The following CCDC85A variants were observed in gnomAD, a reference collection of about 807,000 sequenced individuals.
CCDC85A encodes the protein coiled-coil domain containing 85A.
Under a neutral mutation model 50.2 loss-of-function variants are expected in CCDC85A, and 38 were observed. The ratio of observed to expected loss-of-function variants is 0.76; its 90% confidence interval spans 0.58 to 0.99. The LOEUF (loss-of-function observed/expected upper bound fraction) is 0.99. Among genes scored for constraint, CCDC85A ranks in the 50% least tolerant of loss-of-function variants. CCDC85A has a pLI of 0.00. For missense variants in CCDC85A, 820 were observed against 742.0 expected (o/e 1.11, Z -1.22); for synonymous variants, 366 against 301.4 (o/e 1.21, Z -2.22).
At chr2:56,375,363 C>G (rs1047330245) in intron 4 of CCDC85A, among the ~76,000 whole-genome samples, 1 of 152,136 alleles carries the variant, frequency 6.6e-6, no homozygotes, top group South Asian at 2.1e-4. Flanking sequence ...TATTATAGGT[C>G]TTTCCCTCAA....
chr2:56,357,097 T>C (rs1299666540), intron 3 of CCDC85A, among the ~76,000 whole-genome samples: 2 of 150,884 alleles, frequency 1.3e-5, no homozygotes, highest in African/African-American at 4.9e-5. Context: ...AAAAAAAAGA[T>C]TGAGCCCTAA....
intron 1 of CCDC85A, 91 bp downstream of exon 1, chr2:56,184,991 C>T: frequency 7.2e-7 from 1 of 1,380,284 alleles, no homozygotes. Context: ...CCCTCCCTCC[C>T]TCAACAGGTG....
chr2:56,235,855 T>G (rs1192072570), intron 2 of CCDC85A, among the ~76,000 whole-genome samples: 1 of 152,164 alleles, frequency 6.6e-6, no homozygotes, highest in Non-Finnish European at 1.5e-5. Flanking sequence ...CTTTTCTGGC[T>G]AAGGAAAGCT....
chr2:56,221,163 G>T (rs1449494167), intron 2 of CCDC85A, among the ~76,000 whole-genome samples: 6 of 151,994 alleles, frequency 3.9e-5, no homozygotes, highest in Non-Finnish European at 8.8e-5. Flanking sequence ...TCTTAAGTGG[G>T]TTTGGGTTCA....
intron 2 of CCDC85A, among the ~76,000 whole-genome samples, chr2:56,285,624 T>G (rs1032842627): frequency 1.3e-5 from 2 of 149,108 alleles, no homozygotes; most frequent in East Asian, 3.9e-4. Context: ...TGTTTAAGAA[T>G]TTTTTATTAT....
At chr2:56,279,445 C>T (rs1558620408) in intron 2 of CCDC85A, among the ~76,000 whole-genome samples, 3 of 152,140 alleles carry the variant, frequency 2.0e-5, no homozygotes, top group Admixed American at 2.0e-4. Flanking sequence ...CTATTTCTCC[C>T]CTTCACCCCT....
chr2:56,321,713 T>C (rs1172907516), intron 2 of CCDC85A, among the ~76,000 whole-genome samples: 2 of 152,136 alleles, frequency 1.3e-5, no homozygotes, highest in East Asian at 1.9e-4. Flanking sequence ...AATGGCCATA[T>C]GGCCCAAGGT....
At chr2:56,310,414 G>A (rs997166425) in intron 2 of CCDC85A, among the ~76,000 whole-genome samples, 1 of 152,146 alleles carries the variant, frequency 6.6e-6, no homozygotes, top group Admixed American at 6.6e-5. Flanking sequence ...CAGAAGCAAC[G>A]AGAAATCCCA....
rs67738219 is a variant in CCDC85A, at chr2:56,357,655, CTT to C, written c.1318-14674_1318-14673del. Among the ~76,000 whole-genome samples, 907 of 114,586 alleles carry C rather than the reference CTT, an allele frequency of 7.9e-3. 12 individuals are homozygous for C. Among genetic ancestry groups the C allele is most frequent in the African/African-American group, 0.029 (852 of 29,624 alleles). The allele number at this position is 114,586 out of a possible 152,430, so 75.2% of individuals were successfully genotyped here. A position where few individuals can be genotyped will look rare whatever the true frequency, so the allele number is the denominator to read the frequency against. On this transcript the variant is annotated intron_variant, in intron 3 of 5. Coordinates refer to ENST00000407595, the MANE Select transcript of CCDC85A (RefSeq NM_001080433.2). Reference sequence around the variant, plus strand: ...TCATGGAAGGGATAGTGTCCATTTCCTTTTTTTTTTTTTTTTGCTATGTTCTT... The same window carrying C: ...TCATGGAAGGGATAGTGTCCATTTCCTTTTTTTTTTTTTTGCTATGTTCTT...
intron 2 of CCDC85A, among the ~76,000 whole-genome samples, chr2:56,297,420 CT>C (rs1471451683): frequency 6.8e-6 from 1 of 147,582 alleles, no homozygotes; most frequent in Non-Finnish European, 1.5e-5. Context: ...ATTGTGTGAC[CT>C]TTGTGTGAAA....
chr2:56,354,932 G>A (rs1675144806), intron 3 of CCDC85A, among the ~76,000 whole-genome samples: 2 of 152,210 alleles, frequency 1.3e-5, no homozygotes, highest in African/African-American at 4.8e-5. Flanking sequence ...AGTAGATTGT[G>A]TTTCCTCAGG....
Position 56,268,371 on chromosome 2 carries a change from T to TG in CCDC85A, c.1241-74505dup, listed in dbSNP as rs1172505521. ...CCAGCACTTTGGGAGGCCAGCACTTTGGGCTGACGTCAGGAGATCGAGACC... is the reference window on the plus strand; with the variant it reads ...CCAGCACTTTGGGAGGCCAGCACTTTGGGGCTGACGTCAGGAGATCGAGACC... On this transcript the variant is annotated intron_variant, in intron 2 of 5. Transcript: ENST00000407595. Among the ~76,000 whole-genome samples the TG allele has an allele frequency of 2.0e-5, 3 of 152,166 alleles. No individual in the cohort carries two copies. The East Asian group carries it at 5.8e-4, about 29-fold the overall frequency.
chr2:56,291,235 A>G (rs1374946259), intron 2 of CCDC85A, among the ~76,000 whole-genome samples: 2 of 152,252 alleles, frequency 1.3e-5, no homozygotes, highest in Admixed American at 6.5e-5. Flanking sequence ...AAAAAGATGC[A>G]TAGATGGATC....
At chr2:56,201,510 A>T (rs1676748580) in intron 2 of CCDC85A, among the ~76,000 whole-genome samples, 1 of 152,086 alleles carries the variant, frequency 6.6e-6, no homozygotes, top group South Asian at 2.1e-4. Flanking sequence ...TCTTTCTCCT[A>T]ATTATTGAGG....
At chr2:56,222,877 T>A (rs2103911908) in intron 2 of CCDC85A, among the ~76,000 whole-genome samples, 1 of 152,292 alleles carries the variant, frequency 6.6e-6, no homozygotes, top group South Asian at 2.1e-4. Flanking sequence ...GGAACTCATT[T>A]GAAATTGCTT....
intron 2 of CCDC85A, among the ~76,000 whole-genome samples, chr2:56,328,410 T>G (rs1184857805): frequency 6.6e-6 from 1 of 152,176 alleles, no homozygotes; most frequent in Non-Finnish European, 1.5e-5. Flanking sequence ...GAAGGGTTTC[T>G]GCTTTGTAGC....
chr2:56,261,712 C>G (rs1027884644), intron 2 of CCDC85A, among the ~76,000 whole-genome samples: 7 of 152,202 alleles, frequency 4.6e-5, no homozygotes, highest in Admixed American at 6.5e-5. Context: ...ATGCTAGTGA[C>G]TTGAAGATGC....
intron 3 of CCDC85A, among the ~76,000 whole-genome samples, chr2:56,344,920 C>A (rs1674560057): frequency 7.4e-6 from 1 of 134,300 alleles, no homozygotes. Context: ...AGCATGTATG[C>A]CATCTTATCA....
rs1675896129 is a variant in CCDC85A at position 56,184,347 on chromosome 2, GC to G, written c.-274del. The G allele has an allele frequency of 2.0e-6, 1 of 494,944 alleles. No individual in the cohort carries two copies. The highest frequency in any genetic ancestry group is 2.9e-6 in the Non-Finnish European group (1 of 342,780). 30.7% of individuals were successfully genotyped at this position (494,944 alleles called of 1,614,324 possible). A position where few individuals can be genotyped will look rare whatever the true frequency, so the allele number is the denominator to read the frequency against. ...CCGCGGCAGCCCCGGGCTCCCCAGT[GC>G]CCCTCACCATGGACTTGCGCGGAGT... On this transcript the variant is annotated 5_prime_UTR_variant, in exon 1 of 6. Coordinates refer to ENST00000407595, the MANE Select transcript of CCDC85A (RefSeq NM_001080433.2).
Sources: gnomAD v4.1 joint callset for allele counts (sites outside exome capture counted in the v4.1 genomes callset) on GRCh38, gnomAD v4.1.1 for gene constraint, MANE v1.5 for transcripts, NCBI Gene and HGNC (gene_info 2026-07-23, HGNC 2026-07-21) for gene names.